Variants in ZXDC observed in about 807,000 individuals in gnomAD.
ZXDC encodes the protein ZXD family zinc finger C.
ZXDC carries 58 observed loss-of-function variants against 63.6 expected under a neutral mutation model. The ratio of observed to expected loss-of-function variants is 0.91; its 90% confidence interval spans 0.74 to 1.13. The LOEUF is 1.13. ZXDC is among the 50% of genes most tolerant of loss of function. ZXDC has a pLI of 0.00. For synonymous variants in ZXDC, 561 were observed against 496.1 expected (o/e 1.13, Z -1.74); for missense variants, 1,133 against 1,148.9 (o/e 0.99, Z 0.20).
intron 7 of ZXDC, chr3:126,454,086 T>G: frequency 1.1e-6 from 1 of 906,858 alleles, no homozygotes. Flanking sequence ...GGTAAAGACT[T>G]TTGTATAGTT....
intron 7 of ZXDC, chr3:126,451,640 C>T (rs1046399138): frequency 1.5e-5 from 15 of 985,264 alleles, no homozygotes; most frequent in African/African-American, 7.0e-5. Flanking sequence ...AAGGCCTAGC[C>T]GACCTGGCCC....
chr3:126,467,573 G>T (rs966867328), intron 4 of ZXDC, among the ~76,000 whole-genome samples: 1 of 152,214 alleles, frequency 6.6e-6, no homozygotes, highest in East Asian at 1.9e-4. Flanking sequence ...GGCCAGATGA[G>T]TAAGGGCCTT....
chr3:126,453,573 G>C, intron 7 of ZXDC: 1 of 985,456 alleles, frequency 1.0e-6, no homozygotes, highest in Non-Finnish European at 1.2e-6. Context: ...CAAGTGCAGC[G>C]TGCTTCTATT....
intron 7 of ZXDC, chr3:126,453,276 C>CT: frequency 3.0e-6 from 3 of 985,318 alleles, no homozygotes; most frequent in Non-Finnish European, 3.6e-6. Context: ...TTACTTAATG[C>CT]TTTTTTTAAT....
rs907338993 is a variant in ZXDC, at chr3:126,441,643, G to A, written c.2394+122C>T. The A allele has an allele frequency of 1.1e-5, 16 of 1,429,212 alleles. No homozygotes were observed. The East Asian group carries it at 2.3e-4, about 21-fold the overall frequency. 88.5% of individuals were successfully genotyped at this position (1,429,212 alleles called of 1,614,324 possible). On this transcript the variant is annotated intron_variant, in intron 8 of 9. Coordinates refer to ENST00000389709, the MANE Select transcript of ZXDC (RefSeq NM_025112.5). ...GGGCAGTCTACAGGGGAGGATGCAC[G>A]AGGGGCAGGCAGGCAGGGGGTGCTG...
chr3:126,445,155 A>G (rs1933835072), intron 7 of ZXDC, among the ~76,000 whole-genome samples: 1 of 152,234 alleles, frequency 6.6e-6, no homozygotes, highest in African/African-American at 2.4e-5. Context: ...TTGCATCAGA[A>G]GGTATTTTTC....
At chr3:126,465,624 A>T (rs1380772443) in intron 5 of ZXDC, among the ~76,000 whole-genome samples, 1 of 152,214 alleles carries the variant, frequency 6.6e-6, no homozygotes, top group South Asian at 2.1e-4. Flanking sequence ...GAAAGTCAAC[A>T]AAGTGAAACA....
chr3:126,473,610 A>T (rs1395389581), intron 1 of ZXDC, among the ~76,000 whole-genome samples: 2 of 152,234 alleles, frequency 1.3e-5, no homozygotes, highest in Non-Finnish European at 2.9e-5. Context: ...TGTATGACTG[A>T]AAAAGACTTT....
chr3:126,440,147 C>T (rs1442227433), intron 8 of ZXDC: 1 of 1,011,086 alleles, frequency 9.9e-7, no homozygotes, highest in African/African-American at 1.7e-5. Context: ...CCCAGCTTGC[C>T]TACGGGCCAG....
In ZXDC at chr3:126,441,606, A is replaced by G. The variant is rs894721357; in HGVS notation, c.2394+159T>C. The G allele has an allele frequency of 2.2e-6, 3 of 1,357,152 alleles. No homozygotes were observed. The African/African-American group carries it at 4.5e-5, about 20-fold the overall frequency. The allele number at this position is 1,357,152 out of a possible 1,614,324, so 84.1% of individuals were successfully genotyped here. The stretch of plus-strand genomic sequence containing the variant: ...AAAAGGGAGGAGCTGGGCTGTGAGG[A>G]GACAGGACTTGGGGCAGTCTACAGG... On this transcript the variant is annotated intron_variant, in intron 8 of 9. Transcript: ENST00000389709.
Position 126,470,977 on chromosome 3 carries a change from C to T in ZXDC, c.1188G>A (p.Gly396=). Residue 396 remains glycine, a synonymous_variant, in exon 4 of 10, where the codon GGG becomes GGA. Transcript: ENST00000389709. Reference sequence around the variant, plus strand: ...GATGCTCTGCTCTGGTGAATGATTTCCCACAGCCCTCGACAGGGCAGGTAA... The same window carrying T: ...GATGCTCTGCTCTGGTGAATGATTTTCCACAGCCCTCGACAGGGCAGGTAA... ...RRFTCPVEGC[G]KSFTRAEHLK... 6.2e-7 allele frequency: 1 copy of T among 1,614,240 alleles called. No homozygotes were observed. Among genetic ancestry groups the T allele is most frequent in the Admixed American group, 1.7e-5 (1 of 60,032 alleles).
At position 126,441,802 on chromosome 3, in the gene ZXDC, T is replaced by C. The variant is rs369094052; in HGVS notation, c.2357A>G (p.Gln786Arg). 1.2e-5 allele frequency: 19 copies of C among 1,612,476 alleles called. No homozygotes were observed. In the East Asian group the frequency reaches 3.3e-4, roughly 28 times the overall value. The stretch of plus-strand genomic sequence containing the variant: ...GACCTGGACGCCCTGCGCCCCGCAC[T>C]GCACCCCAGCTGCTGGAGCTGGTCC... The part of the protein sequence containing the change: ...RPGPAPAAGV[Q>R]CGAQGVQVQL... The change falls in exon 8 of 10, where the codon CAG becomes CGG. Residue 786 changes from glutamine (Q) to arginine (R), a missense_variant. Physicochemically the swap from Gln to Arg is conservative, Grantham distance 43 (BLOSUM62 1). Coordinates refer to ENST00000389709, the MANE Select transcript of ZXDC (RefSeq NM_025112.5).
At chr3:126,447,929 G>A (rs914455300) in intron 7 of ZXDC, among the ~76,000 whole-genome samples, 5 of 152,190 alleles carry the variant, frequency 3.3e-5, no homozygotes, top group East Asian at 1.9e-4. Context: ...TGCATACCAC[G>A]TGGCCAACAG....
intron 8 of ZXDC, 25 bp from the exon 9 acceptor site, chr3:126,439,752 T>C (rs1933607017): frequency 6.5e-7 from 1 of 1,545,816 alleles, no homozygotes. Flanking sequence ...CAGAAAGGCC[T>C]GTCACATGTC....
chr3:126,474,714 A>C (rs899637293), intron 1 of ZXDC, among the ~76,000 whole-genome samples: 28 of 152,272 alleles, frequency 1.8e-4, no homozygotes, highest in African/African-American at 6.5e-4. Flanking sequence ...GGTTAAGGAT[A>C]TCTGTTGCCG....
chr3:126,439,801 G>T, intron 8 of ZXDC, 74 bp from the exon 9 acceptor site: 1 of 1,487,038 alleles, frequency 6.7e-7, no homozygotes, highest in Non-Finnish European at 8.9e-7. Flanking sequence ...CACCTGAGAA[G>T]TCTCCTCCAG....
chr3:126,459,040 T>C, intron 7 of ZXDC: 1 of 984,766 alleles, frequency 1.0e-6, no homozygotes, highest in Non-Finnish European at 1.2e-6. Flanking sequence ...AACAATATAT[T>C]TTAAAAATCC....
intron 4 of ZXDC, among the ~76,000 whole-genome samples, 179 bp from the exon 5 acceptor site, chr3:126,466,504 C>T (rs1458977338): frequency 1.3e-5 from 2 of 152,174 alleles, no homozygotes; most frequent in African/African-American, 4.8e-5. Flanking sequence ...CAAAAGCAAA[C>T]TGTTTTTAAA....
intron 7 of ZXDC, among the ~76,000 whole-genome samples, chr3:126,444,290 T>C (rs1245886718): frequency 6.6e-6 from 1 of 152,208 alleles, no homozygotes; most frequent in Non-Finnish European, 1.5e-5. Flanking sequence ...CCCAGCGCTT[T>C]GGGAGGCCAA....
Sources: allele counts gnomAD v4.1 joint callset (sites outside exome capture counted in the v4.1 genomes callset), GRCh38; gene constraint gnomAD v4.1.1; transcripts MANE v1.5; gene names NCBI Gene and HGNC (gene_info 2026-07-23, HGNC 2026-07-21).